Variants in PPARGC1A observed in about 807,000 individuals in gnomAD.
The protein encoded by PPARGC1A is peroxisome proliferator-activated receptor gamma coactivator 1-alpha.
In PPARGC1A, 25 loss-of-function variants were observed where a neutral mutation model predicts 88.7. That is an observed-to-expected ratio of 0.28 (90% CI 0.21 to 0.39). The LOEUF (loss-of-function observed/expected upper bound fraction) is 0.39. Among genes scored for constraint, PPARGC1A ranks in the 10% least tolerant of loss-of-function variants. The pLI, the probability that PPARGC1A is intolerant of heterozygous loss-of-function variation, is 1.00. For synonymous variants in PPARGC1A, 363 were observed against 355.6 expected, an observed-to-expected ratio of 1.02 and a Z score of -0.24; for missense variants, 880 against 968.7, an observed-to-expected ratio of 0.91 and a Z score of 1.22.
At chr4:24,380,609 A>G in the PPARGC1A span, among the ~76,000 whole-genome samples, 2 of 152,144 alleles carry the variant, frequency 1.3e-5, no homozygotes, top group Non-Finnish European at 2.9e-5. Flanking sequence ...TGGAGGGAAG[A>G]CAAGACGAGA....
At chr4:24,449,896 T>G in the PPARGC1A span, among the ~76,000 whole-genome samples, 6 of 152,224 alleles carry the variant, frequency 3.9e-5, no homozygotes, top group African/African-American at 1.4e-4. Context: ...TAATTTTCTT[T>G]TGTATTATAT....
intron 5 of PPARGC1A, chr4:23,825,149 T>C (rs1723709954): frequency 6.6e-6 from 1 of 152,086 alleles, no homozygotes; most frequent in Non-Finnish European, 1.5e-5. Context: ...CTGCCTTTTG[T>C]GCTTTTCTGA....
chr4:23,968,485 G>A, the PPARGC1A span, among the ~76,000 whole-genome samples: 6 of 152,026 alleles, frequency 3.9e-5, no homozygotes, highest in Non-Finnish European at 5.9e-5. Flanking sequence ...CACACCTAAC[G>A]TAACTTTAGC....
the PPARGC1A span, among the ~76,000 whole-genome samples, chr4:24,182,626 C>T: frequency 1.9e-4 from 29 of 152,124 alleles, no homozygotes; most frequent in African/African-American, 7.0e-4. Context: ...AGTGTAAAAG[C>T]GTCCCTATTT....
chr4:24,079,443 T>G, the PPARGC1A span, among the ~76,000 whole-genome samples: 1 of 151,372 alleles, frequency 6.6e-6, no homozygotes, highest in Admixed American at 6.6e-5. Flanking sequence ...CCCAGCTCAT[T>G]GTTTTCCTAG....
chr4:23,899,955 AAAAG>A (rs1404236339), upstream of PPARGC1A, among the ~76,000 whole-genome samples: 1 of 152,168 alleles, frequency 6.6e-6, no homozygotes, highest in African/African-American at 2.4e-5. Context: ...AAATGCATAG[AAAAG>A]AAAGAGAAAT....
the PPARGC1A span, among the ~76,000 whole-genome samples, chr4:23,970,430 A>C: frequency 6.6e-6 from 1 of 152,206 alleles, no homozygotes; most frequent in Admixed American, 6.5e-5. Flanking sequence ...CTTAGCAAAA[A>C]ACAAGCTGTT....
chr4:23,853,423 C>T (rs1577518235), intron 2 of PPARGC1A, among the ~76,000 whole-genome samples: 2 of 151,264 alleles, frequency 1.3e-5, no homozygotes, highest in Admixed American at 1.3e-4. Context: ...TAAGTTACAT[C>T]TGCTATGTTA....
At chr4:24,074,014 C>T in the PPARGC1A span, among the ~76,000 whole-genome samples, 1 of 152,140 alleles carries the variant, frequency 6.6e-6, no homozygotes, top group Non-Finnish European at 1.5e-5. Flanking sequence ...CCTTCCTCAC[C>T]TGCGTAGAGG....
the PPARGC1A span, among the ~76,000 whole-genome samples, chr4:24,410,094 C>T: frequency 8.5e-5 from 13 of 152,248 alleles, 2 homozygotes; most frequent in East Asian, 2.5e-3. Flanking sequence ...GCCAAGTATC[C>T]GTAACTGAAG....
the PPARGC1A span, among the ~76,000 whole-genome samples, chr4:24,332,414 A>G: frequency 6.6e-6 from 1 of 152,212 alleles, no homozygotes. Flanking sequence ...ATTAAATCCA[A>G]TGGAGGTCCA....
chr4:24,447,252 C>T, the PPARGC1A span, among the ~76,000 whole-genome samples: 1 of 152,310 alleles, frequency 6.6e-6, no homozygotes, highest in East Asian at 1.9e-4. Context: ...CCATCATTGC[C>T]CTGCCCAGCT....
the PPARGC1A span, among the ~76,000 whole-genome samples, chr4:24,272,317 C>T: frequency 1.3e-5 from 2 of 152,114 alleles, no homozygotes; most frequent in Non-Finnish European, 2.9e-5. Flanking sequence ...CCTATTGTCT[C>T]TAACGATGGC....
At chr4:23,976,395 C>T in the PPARGC1A span, among the ~76,000 whole-genome samples, 1 of 152,154 alleles carries the variant, frequency 6.6e-6, no homozygotes, top group African/African-American at 2.4e-5. Context: ...TTAACACCTT[C>T]ACAAAGAGAT....
chr4:23,836,552 A>G (rs2148580860), intron 2 of PPARGC1A, among the ~76,000 whole-genome samples: 1 of 152,332 alleles, frequency 6.6e-6, no homozygotes, highest in South Asian at 2.1e-4. Flanking sequence ...ACAATTCCTA[A>G]GTGTTACCGT....
chr4:23,818,492 C>T (rs754343165), intron 7 of PPARGC1A, among the ~76,000 whole-genome samples: 13 of 152,076 alleles, frequency 8.5e-5, no homozygotes, highest in Non-Finnish European at 1.6e-4. Context: ...CACAAACAAT[C>T]AAGAGTATGT....
chr4:24,421,602 C>A, the PPARGC1A span, among the ~76,000 whole-genome samples: 1 of 152,174 alleles, frequency 6.6e-6, no homozygotes, highest in Non-Finnish European at 1.5e-5. Flanking sequence ...TGAGCCACCG[C>A]GCCGGGCCAA....
chr4:24,002,091 CACACACAGAG>C, the PPARGC1A span, among the ~76,000 whole-genome samples: 12 of 137,630 alleles, frequency 8.7e-5, no homozygotes, highest in Non-Finnish European at 1.5e-4. Context: ...CACACACACA[CACACACAGAG>C]AGAGAGAGAG....
the PPARGC1A span, among the ~76,000 whole-genome samples, chr4:24,354,904 AC>A: frequency 6.6e-6 from 1 of 151,254 alleles, no homozygotes; most frequent in African/African-American, 2.4e-5. Flanking sequence ...AAACAAACAA[AC>A]AAAAAACAGA....
Sources: allele counts gnomAD v4.1 joint callset (sites outside exome capture counted in the v4.1 genomes callset), GRCh38; gene constraint gnomAD v4.1.1; transcripts MANE v1.5; gene names NCBI Gene and HGNC (gene_info 2026-07-23, HGNC 2026-07-21).